The following DPM2 variants were observed in gnomAD, a reference collection of about 807,000 sequenced individuals.
DPM2 encodes the protein dolichol phosphate-mannose biosynthesis regulatory protein.
DPM2 carries 8 observed loss-of-function variants against 12.1 expected under a neutral mutation model. The observed-to-expected ratio is 0.66, with a 90% CI of 0.39 to 1.19. The LOEUF is 1.19. DPM2 is among the 50% of genes most tolerant of loss of function. The pLI, the probability that DPM2 is intolerant of heterozygous loss-of-function variation, is 0.01. For missense variants in DPM2, 93 were observed against 102.5 expected, an observed-to-expected ratio of 0.91 and a Z score of 0.40; for synonymous variants, 38 against 44.7, an observed-to-expected ratio of 0.85 and a Z score of 0.60.
At chr9:127,936,933 A>G (rs1053598559) in intron 2 of DPM2, 29 of 375,110 alleles carry the variant, frequency 7.7e-5, no homozygotes, top group Non-Finnish European at 1.2e-4. Context: ...CTCACAGCCT[A>G]GCAAATGGTA....
At chr9:127,937,650 G>T in intron 1 of DPM2, 127 bp from the exon 2 acceptor site, 1 of 1,205,624 alleles carries the variant, frequency 8.3e-7, no homozygotes, top group South Asian at 1.3e-5. Flanking sequence ...GCTGACTAGG[G>T]ATCAGTTTCT....
intron 3 of DPM2, chr9:127,936,320 T>C: frequency 6.8e-7 from 1 of 1,468,498 alleles, no homozygotes; most frequent in Non-Finnish European, 9.1e-7. Flanking sequence ...GTGAGCAGAG[T>C]GATGATGGGG....
At chr9:127,936,746 C>G in intron 2 of DPM2, 91 bp from the exon 3 acceptor site, 1 of 1,193,376 alleles carries the variant, frequency 8.4e-7, no homozygotes, top group Non-Finnish European at 1.1e-6. Flanking sequence ...AAGGGGCTGA[C>G]CCATTCAGAG....
At chr9:127,937,747 C>T (rs1216698496) in intron 1 of DPM2, 71 bp downstream of exon 1, 1 of 1,594,248 alleles carries the variant, frequency 6.3e-7, no homozygotes, top group Non-Finnish European at 8.6e-7. Flanking sequence ...GTGCCCATGC[C>T]CCAGCTCCTG....
intron 2 of DPM2, 122 bp downstream of exon 2, chr9:127,937,312 T>C (rs1406985774): frequency 1.1e-5 from 8 of 720,498 alleles, no homozygotes; most frequent in African/African-American, 3.5e-5. Flanking sequence ...AGAGTTGTTC[T>C]GGAGAGTTCA....
intron 3 of DPM2, 113 bp downstream of exon 3, chr9:127,936,440 C>T (rs767936134): frequency 6.8e-6 from 11 of 1,607,688 alleles, no homozygotes; most frequent in South Asian, 5.5e-5. Context: ...GAAAACCCCA[C>T]GGGTGAGTTC....
Position 127,935,743 on chromosome 9 carries a change from T to G in DPM2, c.234A>C (p.Arg78Ser). The G allele has an allele frequency of 5.0e-6, 8 of 1,613,148 alleles. No homozygotes were observed. Among genetic ancestry groups the G allele is most frequent in the Non-Finnish European group, 6.8e-6 (8 of 1,179,184 alleles). ...FISYVMLKTK[R>S]VTKKAQ Reference sequence around the variant, plus strand: ...ACCTTCACTGAGCCTTCTTGGTCACTCTCTTGGTCTTCAGCATCACATAGG... The same window carrying G: ...ACCTTCACTGAGCCTTCTTGGTCACGCTCTTGGTCTTCAGCATCACATAGG... The change falls in exon 4 of 4, where the codon AGA (arginine) becomes AGC (serine). Residue 78 changes from arginine to serine, a missense_variant. By Grantham distance (110) the Arg-to-Ser change is moderately radical. Transcript: ENST00000314392.
At chr9:127,937,234 C>A (rs1831521751) in intron 2 of DPM2, 200 bp downstream of exon 2, 2 of 485,804 alleles carry the variant, frequency 4.1e-6, no homozygotes, top group African/African-American at 2.0e-5. Flanking sequence ...CAATCTTGGG[C>A]CAGATCCTTC....
At chr9:127,937,158 G>A in intron 2 of DPM2, 2 of 366,548 alleles carry the variant, frequency 5.5e-6, no homozygotes, top group Non-Finnish European at 9.8e-6. Context: ...AACCCAGAAG[G>A]AACAGAACTC....
At chr9:127,936,110 C>T (rs1831500427) in intron 3 of DPM2, 2 of 638,396 alleles carry the variant, frequency 3.1e-6, no homozygotes, top group South Asian at 4.3e-5. Flanking sequence ...ACACCTCACC[C>T]ACCCACCCAT....
In DPM2 at chr9:127,937,400, G is replaced by C. The variant is rs771334517; in HGVS notation, c.93+34C>G. On this transcript the variant is annotated intron_variant, in intron 2 of 3. Coordinates refer to ENST00000314392, the MANE Select transcript of DPM2 (RefSeq NM_003863.4). ...TTGCTCTGGCGGTGCCAGGGCTCGG[G>C]GAAGGTGAGCAGCGGACGGGGAGAA... 3.8e-6 allele frequency: 6 copies of C among 1,567,592 alleles called. No individual in the cohort carries two copies. In the East Asian group the frequency reaches 1.1e-4, roughly 29 times the overall value.
At chr9:127,937,392 G>C in intron 2 of DPM2, 42 bp downstream of exon 2, 2 of 1,533,904 alleles carry the variant, frequency 1.3e-6, no homozygotes, top group Non-Finnish European at 1.8e-6. Flanking sequence ...GGCGGTGCCA[G>C]GGCTCGGGGA....
At chr9:127,936,722 C>T in intron 2 of DPM2, 67 bp from the exon 3 acceptor site, 1 of 1,372,846 alleles carries the variant, frequency 7.3e-7, no homozygotes, top group Non-Finnish European at 9.5e-7. Flanking sequence ...CCAAACGTCC[C>T]ACCTCCTCCA....
At chr9:127,937,375 T>A in intron 2 of DPM2, 59 bp downstream of exon 2, 1 of 1,360,588 alleles carries the variant, frequency 7.3e-7, no homozygotes, top group South Asian at 1.2e-5. Flanking sequence ...TATATAGTAG[T>A]TGCTCTGGCG....
chr9:127,937,768 G>A (rs764150877), intron 1 of DPM2, 50 bp downstream of exon 1: 1 of 1,610,398 alleles, frequency 6.2e-7, no homozygotes, highest in Non-Finnish European at 8.5e-7. Flanking sequence ...AGCAGACCCG[G>A]GACCCCACCC....
Position 127,936,655 on chromosome 9 carries a change from G to T in DPM2, c.94C>A (p.Pro32Thr). ...ATGACATGCTGACTGTCGATGAATG[G>T]CTGGCATCGAGGGAAGAGCTCTGGT... ...TYYTAWVILLPFIDSQHVIHK... is the reference protein window; with the variant it reads ...TYYTAWVILLTFIDSQHVIHK... Residue 32 changes from proline (P) to threonine (T), a missense_variant and splice_region_variant, in exon 3 of 4, where the codon CCA (proline) becomes ACA (threonine). Physicochemically the swap from Pro to Thr is conservative, Grantham distance 38. Coordinates refer to ENST00000314392, the MANE Select transcript of DPM2 (RefSeq NM_003863.4). 3.3e-6 allele frequency: 5 copies of T among 1,495,318 alleles called. No homozygotes were observed. Among genetic ancestry groups the T allele is most frequent in the East Asian group, 2.4e-5 (1 of 41,250 alleles). 92.6% of individuals were successfully genotyped at this position (1,495,318 alleles called of 1,614,324 possible).
In DPM2 at chr9:127,937,550, C is replaced by T. The variant is rs770692045; in HGVS notation, c.4-27G>A. The T allele has an allele frequency of 5.1e-6, 8 of 1,572,736 alleles. No individual in the cohort carries two copies. The South Asian group carries it at 7.9e-5, about 15-fold the overall frequency. ...TGGAGAAAAGGGAGGTCTCAGCTGA[C>T]GAAGTGACCCTCTATTTCGGCGCAC... is the stretch of plus-strand genomic sequence containing the variant. On this transcript the variant is annotated intron_variant, in intron 1 of 3. Transcript: ENST00000314392.
intron 3 of DPM2, 122 bp downstream of exon 3, chr9:127,936,431 A>G: frequency 6.2e-7 from 1 of 1,603,682 alleles, no homozygotes; most frequent in Non-Finnish European, 8.5e-7. Flanking sequence ...GATGAACAGG[A>G]AAACCCCACG....
intron 3 of DPM2, 126 bp from the exon 4 acceptor site, chr9:127,935,906 C>G (rs1471729935): frequency 4.8e-6 from 4 of 832,754 alleles, no homozygotes; most frequent in South Asian, 4.4e-5. Context: ...CTCCAGGGAA[C>G]CTGCTTATCT....
Sources: gnomAD v4.1 joint callset for allele counts on GRCh38, gnomAD v4.1.1 for gene constraint, MANE v1.5 for transcripts, NCBI Gene and HGNC (gene_info 2026-07-23, HGNC 2026-07-21) for gene names.